Variants in KCNH1 observed in about 807,000 individuals in gnomAD.
KCNH1 encodes potassium voltage-gated channel subfamily H member 1.
In KCNH1, 27 loss-of-function variants were observed where a neutral mutation model predicts 69.2. That is an observed-to-expected ratio of 0.39 (90% CI 0.29 to 0.54). The LOEUF (loss-of-function observed/expected upper bound fraction) is 0.54. Ranked by LOEUF, KCNH1 falls within the 20% of genes least tolerant of loss-of-function variation. The pLI is 0.68. For missense variants in KCNH1, 798 were observed against 1,261.6 expected, an observed-to-expected ratio of 0.63 and a Z score of 5.57; for synonymous variants, 456 against 487.7, an observed-to-expected ratio of 0.93 and a Z score of 0.86.
chr1:210,820,779 G>A (rs1250533249), intron 7 of KCNH1, among the ~76,000 whole-genome samples: 1 of 152,104 alleles, frequency 6.6e-6, no homozygotes, highest in Non-Finnish European at 1.5e-5. Context: ...GGCAGAAGTA[G>A]GAGATATGAT....
At chr1:210,794,802 T>C (rs1478051121) in intron 9 of KCNH1, among the ~76,000 whole-genome samples, 1 of 152,192 alleles carries the variant, frequency 6.6e-6, no homozygotes, top group Admixed American at 6.5e-5. Context: ...TAAAGGATTG[T>C]TCACTAGTTA....
chr1:210,998,041 C>T (rs554164720), intron 6 of KCNH1, among the ~76,000 whole-genome samples: 3 of 152,262 alleles, frequency 2.0e-5, no homozygotes, highest in Admixed American at 2.0e-4. Context: ...ACAACCGGTA[C>T]CAGCCACTGC....
At chr1:211,039,347 G>A (rs549214270) in intron 5 of KCNH1, among the ~76,000 whole-genome samples, 57 of 152,344 alleles carry the variant, frequency 3.7e-4, no homozygotes, top group African/African-American at 1.3e-3. Flanking sequence ...GGGCCCTCAT[G>A]GAGAACTCCT....
At chr1:211,028,289 T>C (rs1405377858) in intron 5 of KCNH1, among the ~76,000 whole-genome samples, 2 of 151,764 alleles carry the variant, frequency 1.3e-5, no homozygotes, top group Non-Finnish European at 2.9e-5. Flanking sequence ...AAAATGAAAA[T>C]AGAAGTGGGA....
chr1:210,924,058 T>C (rs1426494144), intron 6 of KCNH1, among the ~76,000 whole-genome samples: 1 of 152,090 alleles, frequency 6.6e-6, no homozygotes, highest in Admixed American at 6.5e-5. Flanking sequence ...GTGATACAAA[T>C]ACAGATTAGA....
chr1:211,024,939 G>C (rs1689658713), intron 5 of KCNH1, among the ~76,000 whole-genome samples: 1 of 152,154 alleles, frequency 6.6e-6, no homozygotes, highest in African/African-American at 2.4e-5. Context: ...CCTAGCAAGA[G>C]ATGGTGACAG....
At chr1:211,128,262 G>A (rs1418688807) in intron 1 of KCNH1, among the ~76,000 whole-genome samples, 3 of 129,994 alleles carry the variant, frequency 2.3e-5, no homozygotes, top group African/African-American at 6.0e-5. Flanking sequence ...GCACTCCAGC[G>A]ACAAAGTGAG....
At chr1:211,066,604 C>G (rs1206191125) in intron 5 of KCNH1, among the ~76,000 whole-genome samples, 2 of 152,086 alleles carry the variant, frequency 1.3e-5, no homozygotes, top group Non-Finnish European at 2.9e-5. Context: ...CTGTATATGC[C>G]ATAGGGTTCA....
rs1379722834 is a variant in KCNH1 at position 210,856,531 on chromosome 1, G to A, written c.1463-52365C>T. Among the ~76,000 whole-genome samples, 3 of 151,740 alleles carry A rather than the reference G, an allele frequency of 2.0e-5. No individual in the cohort carries two copies. In the East Asian group the frequency reaches 5.8e-4, roughly 29 times the overall value. On this transcript the variant is annotated intron_variant, in intron 7 of 10. Coordinates refer to ENST00000271751, the MANE Select transcript of KCNH1 (RefSeq NM_172362.3). ...AAATGAAGGCAAGGACATTTGTCCA[G>A]CCTCTTCTTCCTCATTCTCCAGCTC...
intron 10 of KCNH1, among the ~76,000 whole-genome samples, chr1:210,725,959 T>G (rs1298579711): frequency 2.0e-5 from 3 of 152,164 alleles, no homozygotes; most frequent in Non-Finnish European, 2.9e-5. Flanking sequence ...TATATTATAG[T>G]TATCTGTGTG....
intron 7 of KCNH1, among the ~76,000 whole-genome samples, chr1:210,838,667 T>C (rs1197945406): frequency 6.6e-6 from 1 of 152,136 alleles, no homozygotes; most frequent in African/African-American, 2.4e-5. Context: ...AATATATCCA[T>C]CTGACAAAGG....
chr1:211,070,306 T>C (rs1690613121), intron 5 of KCNH1, among the ~76,000 whole-genome samples: 1 of 151,464 alleles, frequency 6.6e-6, no homozygotes, highest in Non-Finnish European at 1.5e-5. Context: ...TAGTCCCAGC[T>C]ACTCGGGAGG....
At chr1:210,958,919 G>A (rs1308699680) in intron 6 of KCNH1, among the ~76,000 whole-genome samples, 1 of 152,204 alleles carries the variant, frequency 6.6e-6, no homozygotes, top group East Asian at 1.9e-4. Flanking sequence ...CTGTCAACTT[G>A]TCAAAGTTAT....
At chr1:211,076,764 T>A (rs1690741681) in intron 5 of KCNH1, among the ~76,000 whole-genome samples, 1 of 152,226 alleles carries the variant, frequency 6.6e-6, no homozygotes, top group African/African-American at 2.4e-5. Flanking sequence ...ATGACTTTGA[T>A]GAGCTGACAG....
intron 7 of KCNH1, among the ~76,000 whole-genome samples, chr1:210,816,074 C>T (rs1684808588): frequency 6.6e-6 from 1 of 152,158 alleles, no homozygotes; most frequent in African/African-American, 2.4e-5. Context: ...GATTAACCTG[C>T]ATTTCGGTTA....
chr1:210,934,331 C>T (rs1687734359), intron 6 of KCNH1, among the ~76,000 whole-genome samples: 1 of 152,142 alleles, frequency 6.6e-6, no homozygotes, highest in Non-Finnish European at 1.5e-5. Context: ...AGGAACTCAA[C>T]AGCAAAACAT....
intron 10 of KCNH1, among the ~76,000 whole-genome samples, chr1:210,707,053 A>ATGTG (rs138929783): frequency 7.2e-5 from 11 of 151,736 alleles, no homozygotes; most frequent in African/African-American, 2.4e-4. Flanking sequence ...TGTGAGGGGT[A>ATGTG]TGTGTGTGTG....
At chr1:210,908,690 C>T (rs373039349) in intron 7 of KCNH1, among the ~76,000 whole-genome samples, 5 of 152,260 alleles carry the variant, frequency 3.3e-5, no homozygotes, top group African/African-American at 1.2e-4. Flanking sequence ...CACACCAAAC[C>T]GAGTGATCTT....
intron 6 of KCNH1, among the ~76,000 whole-genome samples, chr1:210,973,544 T>C (rs1184199559): frequency 5.3e-5 from 8 of 152,178 alleles, no homozygotes; most frequent in Non-Finnish European, 1.2e-4. Context: ...CAGAGTCACA[T>C]TTATTTTGTG....
Sources: gnomAD v4.1 joint callset for allele counts (sites outside exome capture counted in the v4.1 genomes callset) on GRCh38, gnomAD v4.1.1 for gene constraint, MANE v1.5 for transcripts, NCBI Gene and HGNC (gene_info 2026-07-23, HGNC 2026-07-21) for gene names.